LRMDA: variants seen among roughly 807,000 people sequenced by gnomAD.
LRMDA encodes the protein leucine rich melanocyte differentiation associated, also known as leucine-rich melanocyte differentiation-associated protein.
In LRMDA, 18 loss-of-function variants were observed where a neutral mutation model predicts 29.8. That is an observed-to-expected ratio of 0.60 (90% confidence interval 0.42 to 0.90). The LOEUF (loss-of-function observed/expected upper bound fraction) is 0.90. LRMDA is among the 40% of genes least tolerant of loss of function. The pLI is 0.00. For missense variants in LRMDA, 273 were observed against 273.9 expected, an observed-to-expected ratio of 1.00 and a Z score of 0.02; for synonymous variants, 125 against 109.4, an observed-to-expected ratio of 1.14 and a Z score of -0.89.
chr10:76,325,628 T>C (rs1170146967), intron 6 of LRMDA, among the ~76,000 whole-genome samples: 2 of 152,186 alleles, frequency 1.3e-5, no homozygotes, highest in African/African-American at 4.8e-5. Flanking sequence ...AACCCTTAAA[T>C]TAGCCTCATA....
At chr10:76,118,493 T>C (rs1486394762) in intron 5 of LRMDA, among the ~76,000 whole-genome samples, 1 of 152,218 alleles carries the variant, frequency 6.6e-6, no homozygotes, top group Non-Finnish European at 1.5e-5. Flanking sequence ...TTCCTTTACT[T>C]AAAGGCGAAG....
At chr10:75,574,486 C>T (rs991864376) in intron 2 of LRMDA, among the ~76,000 whole-genome samples, 1 of 152,186 alleles carries the variant, frequency 6.6e-6, no homozygotes, top group African/African-American at 2.4e-5. Context: ...CCTTTCTGAA[C>T]CCATGGCCAC....
At chr10:76,083,313 C>T (rs374904443) in intron 5 of LRMDA, among the ~76,000 whole-genome samples, 1 of 152,168 alleles carries the variant, frequency 6.6e-6, no homozygotes, top group African/African-American at 2.4e-5. Flanking sequence ...CCTACTTCTG[C>T]TTACCTTGCC....
intron 1 of LRMDA, among the ~76,000 whole-genome samples, chr10:75,433,556 T>C (rs1844230175): frequency 6.6e-6 from 1 of 152,094 alleles, no homozygotes; most frequent in Non-Finnish European, 1.5e-5. Flanking sequence ...GTTTGTTTGT[T>C]TGTTTGTTTG....
intron 5 of LRMDA, among the ~76,000 whole-genome samples, chr10:76,190,501 C>A (rs1014964212): frequency 6.6e-6 from 1 of 152,152 alleles, no homozygotes; most frequent in African/African-American, 2.4e-5. Flanking sequence ...AGTGACTGGA[C>A]ATTTTCCTTT....
intron 2 of LRMDA, among the ~76,000 whole-genome samples, chr10:75,966,889 C>T (rs765424642): frequency 2.6e-5 from 4 of 152,206 alleles, no homozygotes; most frequent in Non-Finnish European, 5.9e-5. Flanking sequence ...GAAGGTACCT[C>T]CTTAGCACCT....
intron 5 of LRMDA, among the ~76,000 whole-genome samples, chr10:76,150,120 C>A (rs1429186959): frequency 1.3e-5 from 2 of 152,226 alleles, no homozygotes; most frequent in African/African-American, 4.8e-5. Context: ...AGGCTGCCAA[C>A]CAGCGGCAAA....
At chr10:76,363,293 AAGGAAGGG>A (rs1393847658) in intron 6 of LRMDA, among the ~76,000 whole-genome samples, 4 of 141,974 alleles carry the variant, frequency 2.8e-5, no homozygotes, top group East Asian at 2.1e-4. Context: ...GGAAGGAAGG[AAGGAAGGG>A]AGGAAGGGAG....
chr10:75,629,515 G>A (rs913075102), intron 2 of LRMDA, among the ~76,000 whole-genome samples: 11 of 152,238 alleles, frequency 7.2e-5, no homozygotes, highest in South Asian at 2.1e-4. Flanking sequence ...TGTCTATCCC[G>A]AGTGTTATAG....
In LRMDA at chr10:75,671,246, A is replaced by C. The variant is rs530736652; in HGVS notation, c.131+232752A>C. On this transcript the variant is annotated intron_variant, in intron 2 of 6. Transcript: ENST00000611255. The stretch of plus-strand genomic sequence containing the variant: ...TTGTACAAAACAAGCCCATGTGCCC[A>C]TCACCTAGCTTCACTACTAGGGATA... Among the ~76,000 whole-genome samples, 17 of 152,316 alleles carry C rather than the reference A, an allele frequency of 1.1e-4. No individual in the cohort carries two copies. The South Asian group carries it at 3.5e-3, about 32-fold the overall frequency.
intron 2 of LRMDA, among the ~76,000 whole-genome samples, chr10:75,459,194 A>G (rs1296942509): frequency 6.6e-6 from 1 of 152,136 alleles, no homozygotes; most frequent in Admixed American, 6.5e-5. Flanking sequence ...TAATTCCAGT[A>G]CTTTGAGAGG....
At chr10:76,281,972 A>T (rs1255130140) in intron 5 of LRMDA, among the ~76,000 whole-genome samples, 1 of 152,122 alleles carries the variant, frequency 6.6e-6, no homozygotes, top group Admixed American at 6.5e-5. Flanking sequence ...ATGTAAATAC[A>T]CCCTTTCTGG....
chr10:75,571,386 G>T (rs1840435829), intron 2 of LRMDA, among the ~76,000 whole-genome samples: 1 of 151,922 alleles, frequency 6.6e-6, no homozygotes, highest in Admixed American at 6.6e-5. Flanking sequence ...TCACCACTGT[G>T]TGGTGAGTTT....
At chr10:76,462,072 A>AAC (rs1457699354) in intron 6 of LRMDA, among the ~76,000 whole-genome samples, 4 of 75,828 alleles carry the variant, frequency 5.3e-5, no homozygotes, top group African/African-American at 1.4e-4. Flanking sequence ...AAAAAAAAAA[A>AAC]AAAACCACAC....
At position 76,144,250 on chromosome 10, in the gene LRMDA, G is replaced by T. The variant is rs1283535045; in HGVS notation, c.516+85467G>T. Among the ~76,000 whole-genome samples the T allele has an allele frequency of 3.3e-5, 5 of 152,312 alleles. No homozygotes were observed. In the East Asian group the frequency reaches 5.8e-4, roughly 18 times the overall value. ...GAAGAAAGCCATTGGTAGCTTGATG[G>T]AGATGGCATTGAATCTATAAATTAC... On this transcript the variant is annotated intron_variant, in intron 5 of 6. Transcript: ENST00000611255.
intron 5 of LRMDA, among the ~76,000 whole-genome samples, chr10:76,131,663 GTTT>G (rs200365082): frequency 2.0e-5 from 3 of 146,452 alleles, no homozygotes; most frequent in Admixed American, 6.8e-5. Flanking sequence ...TATTTTGATG[GTTT>G]TTTTTTTTAA....
chr10:75,602,960 A>G (rs549613117), intron 2 of LRMDA, among the ~76,000 whole-genome samples: 5 of 152,312 alleles, frequency 3.3e-5, no homozygotes, highest in Middle Eastern at 3.4e-3. Context: ...TTTTCCCACT[A>G]CAGGCTTTGA....
At chr10:75,711,291 TG>T (rs1156892373) in intron 2 of LRMDA, among the ~76,000 whole-genome samples, 1 of 152,142 alleles carries the variant, frequency 6.6e-6, no homozygotes, top group Non-Finnish European at 1.5e-5. Context: ...TGGTGTGGTT[TG>T]GGGGCAAGTT....
At chr10:76,431,881 G>A (rs948396532) in intron 6 of LRMDA, among the ~76,000 whole-genome samples, 1 of 152,136 alleles carries the variant, frequency 6.6e-6, no homozygotes, top group Admixed American at 6.5e-5. Flanking sequence ...TAAAAAACGG[G>A]AATTTCCCTG....
Sources: gnomAD v4.1 joint callset for allele counts (sites outside exome capture counted in the v4.1 genomes callset) on GRCh38, gnomAD v4.1.1 for gene constraint, MANE v1.5 for transcripts, NCBI Gene and HGNC (gene_info 2026-07-23, HGNC 2026-07-21) for gene names.